CADM3: variants seen among roughly 807,000 people sequenced by gnomAD.
CADM3 encodes TSLC1-like 1.
CADM3 carries 11 observed loss-of-function variants against 44.9 expected under a neutral mutation model. The ratio of observed to expected loss-of-function variants is 0.25; its 90% CI spans 0.15 to 0.41. CADM3 has a LOEUF of 0.41. CADM3 is among the 10% of genes least tolerant of loss of function. The probability of loss-of-function intolerance (pLI) is 1.00; values close to 1 mark genes in which losing one functional copy is unlikely to be tolerated. For synonymous variants in CADM3, 207 were observed against 205.2 expected, an observed-to-expected ratio of 1.01 and a Z score of -0.08; for missense variants, 426 against 512.0, an observed-to-expected ratio of 0.83 and a Z score of 1.62.
intron 1 of CADM3, among the ~76,000 whole-genome samples, chr1:159,176,900 C>A (rs2249866): frequency 0.27 from 40,620 of 151,988 alleles, 5,690 homozygotes; most frequent in African/African-American, 0.34. Flanking sequence ...AGAGAAACTT[C>A]TAAATCCTGA....
rs1027268771 is a variant in CADM3, at chr1:159,202,841, C to T, written c.*1919C>T. The T allele has an allele frequency of 6.6e-6, 1 of 152,090 alleles. No individual in the cohort carries two copies. The highest frequency in any genetic ancestry group is 2.1e-4 in the South Asian group (1 of 4,808). The allele number at this position is 152,090 out of a possible 1,614,324, so 9.4% of individuals were successfully genotyped here. ...CCCCTCACCTAAGCCGGGGCCTACT[C>T]CTCTTACAACAGCAAGAGAGCCCTG... On this transcript the variant is annotated 3_prime_UTR_variant, in exon 9 of 9. Coordinates refer to ENST00000368125, the MANE Select transcript of CADM3 (RefSeq NM_001127173.3).
chr1:159,198,107 G>C (rs916534500), intron 7 of CADM3: 1 of 152,200 alleles, frequency 6.6e-6, no homozygotes, highest in Non-Finnish European at 1.5e-5. Context: ...TCTGCTTTGT[G>C]CTCAACAGCC....
At chr1:159,176,321 T>G (rs1649015061) in intron 1 of CADM3, among the ~76,000 whole-genome samples, 1 of 152,204 alleles carries the variant, frequency 6.6e-6, no homozygotes, top group African/African-American at 2.4e-5. Flanking sequence ...TATAGGCCCA[T>G]GTACTAGAAC....
Position 159,200,910 on chromosome 1 carries a change from A to G in CADM3, c.1185A>G (p.Glu395=), listed in dbSNP as rs773917641. 7.5e-6 allele frequency: 12 copies of G among 1,604,720 alleles called. No individual in the cohort carries two copies. Among genetic ancestry groups the G allele is most frequent in the Middle Eastern group, 3.3e-4 (2 of 6,004 alleles). ...GGQSGGDDKK[E]YFI ...AGTCAGGAGGGGACGACAAGAAGGA[A>G]TATTTCATCTAGAGGCGCCTGCCCA... Residue 395 remains glutamate, a synonymous_variant, in exon 9 of 9, where the codon GAA becomes GAG. Coordinates refer to ENST00000368125, the MANE Select transcript of CADM3 (RefSeq NM_001127173.3).
intron 6 of CADM3, 124 bp downstream of exon 6, chr1:159,196,578 T>A: frequency 1.3e-6 from 1 of 776,694 alleles, no homozygotes. Flanking sequence ...TCCCTGACTG[T>A]CCAATAATGT....
intron 1 of CADM3, among the ~76,000 whole-genome samples, chr1:159,187,146 A>G (rs1468126951): frequency 6.6e-6 from 1 of 152,264 alleles, no homozygotes; most frequent in East Asian, 1.9e-4. Context: ...GTGAAGACTA[A>G]GCCCATGCTG....
intron 3 of CADM3, among the ~76,000 whole-genome samples, chr1:159,193,107 C>A (rs1649739714): frequency 6.6e-6 from 1 of 152,190 alleles, no homozygotes; most frequent in Admixed American, 6.5e-5. Context: ...TATATTTCAT[C>A]CTATATTTCA....
intron 1 of CADM3, among the ~76,000 whole-genome samples, chr1:159,182,161 A>G (rs1296757984): frequency 6.6e-6 from 1 of 152,016 alleles, no homozygotes; most frequent in Non-Finnish European, 1.5e-5. Context: ...CTTCTGCCCA[A>G]TGGCCTCTTC....
chr1:159,192,222 C>A, intron 2 of CADM3, 146 bp downstream of exon 2: 1 of 845,984 alleles, frequency 1.2e-6, no homozygotes, highest in Non-Finnish European at 1.8e-6. Flanking sequence ...ATGAGTTCCC[C>A]AACTGGTTCC....
At chr1:159,186,070 T>C (rs914610299) in intron 1 of CADM3, among the ~76,000 whole-genome samples, 1 of 152,168 alleles carries the variant, frequency 6.6e-6, no homozygotes, top group Non-Finnish European at 1.5e-5. Context: ...GCTTTATTCA[T>C]AGATAAAGTT....
chr1:159,190,233 C>G (rs1649592543), intron 1 of CADM3, among the ~76,000 whole-genome samples: 1 of 152,160 alleles, frequency 6.6e-6, no homozygotes, highest in East Asian at 1.9e-4. Context: ...TGGCACGTGG[C>G]TATGGTAAAT....
intron 1 of CADM3, among the ~76,000 whole-genome samples, chr1:159,178,087 A>G (rs2102095103): frequency 6.6e-6 from 1 of 152,338 alleles, no homozygotes; most frequent in African/African-American, 2.4e-5. Context: ...AATACCATAT[A>G]CAATCTAAAT....
Position 159,172,241 on chromosome 1 carries a change from G to A in CADM3, c.88+388G>A, listed in dbSNP as rs1033196768. Among the ~76,000 whole-genome samples, 5 of 152,188 alleles carry A rather than the reference G, an allele frequency of 3.3e-5. No individual in the cohort carries two copies. In the East Asian group the frequency reaches 9.7e-4, roughly 30 times the overall value. Reference sequence around the variant, plus strand: ...GTCTGTGTCAGTGTGTGTTGGGGGCGGAGTGAGATTTGTCGCTGTTTCAGT... The same window carrying A: ...GTCTGTGTCAGTGTGTGTTGGGGGCAGAGTGAGATTTGTCGCTGTTTCAGT... On this transcript the variant is annotated intron_variant, in intron 1 of 8. Coordinates refer to ENST00000368125, the MANE Select transcript of CADM3 (RefSeq NM_001127173.3).
intron 1 of CADM3, among the ~76,000 whole-genome samples, chr1:159,179,442 T>C (rs999028829): frequency 1.1e-4 from 17 of 152,172 alleles, no homozygotes; most frequent in African/African-American, 4.1e-4. Flanking sequence ...GAAGGTCAGG[T>C]GCATCACCTT....
intron 2 of CADM3, 100 bp from the exon 3 acceptor site, chr1:159,192,478 A>G: frequency 1.4e-6 from 2 of 1,416,286 alleles, no homozygotes; most frequent in Non-Finnish European, 2.0e-6. Flanking sequence ...CCCACCCACC[A>G]TACTAGACCC....
chr1:159,196,822 A>ATTTTTTTTTTTT, intron 6 of CADM3, 69 bp from the exon 7 acceptor site: 1 of 1,138,482 alleles, frequency 8.8e-7, no homozygotes, highest in Non-Finnish European at 1.2e-6. Context: ...GCTCCCAGTT[A>ATTTTTTTTTTTT]TTTTTTTTTT....
intron 1 of CADM3, among the ~76,000 whole-genome samples, chr1:159,182,972 C>A (rs955662262): frequency 6.6e-6 from 1 of 152,208 alleles, no homozygotes; most frequent in East Asian, 1.9e-4. Context: ...ACACCCACCA[C>A]AGGCAAGCTA....
intron 2 of CADM3, among the ~76,000 whole-genome samples, chr1:159,192,359 C>T (rs966124075): frequency 2.0e-5 from 3 of 152,210 alleles, no homozygotes; most frequent in East Asian, 3.9e-4. Context: ...ATGAAGCTCA[C>T]GAAATCCAAA....
At chr1:159,189,836 A>G (rs754993288) in intron 1 of CADM3, 1 of 1,606,440 alleles carries the variant, frequency 6.2e-7, no homozygotes, top group East Asian at 2.2e-5. Context: ...CATCAGCTCC[A>G]CAGTCTGGAG....
Sources: allele counts gnomAD v4.1 joint callset (sites outside exome capture counted in the v4.1 genomes callset), GRCh38; gene constraint gnomAD v4.1.1; transcripts MANE v1.5; gene names NCBI Gene and HGNC (gene_info 2026-07-23, HGNC 2026-07-21).